Variants in IGHMBP2 observed in about 807,000 individuals in gnomAD.
IGHMBP2 encodes immunoglobulin mu DNA binding protein 2, also known as DNA-binding protein SMUBP-2.
IGHMBP2 carries 81 observed loss-of-function variants against 96.0 expected under a neutral mutation model. That is an observed-to-expected ratio of 0.84 (90% CI 0.71 to 1.01). The LOEUF is 1.01. Among genes scored for constraint, IGHMBP2 ranks in the 50% least tolerant of loss-of-function variants. The pLI is 0.00. For missense variants in IGHMBP2, 1,227 were observed against 1,306.3 expected, an observed-to-expected ratio of 0.94 and a Z score of 0.94; for synonymous variants, 557 against 548.9, an observed-to-expected ratio of 1.01 and a Z score of -0.21.
At chr11:68,930,397 T>C (rs1374092011) in intron 8 of IGHMBP2, 1 of 1,289,616 alleles carries the variant, frequency 7.8e-7, no homozygotes, top group East Asian at 5.5e-5. Flanking sequence ...TCGAGTAGAA[T>C]CTCATCACAG....
Position 68,914,495 on chromosome 11 carries a change from A to G in IGHMBP2, c.712-328A>G, listed in dbSNP as rs114301557. On this transcript the variant is annotated intron_variant, in intron 5 of 14. Coordinates refer to ENST00000255078, the MANE Select transcript of IGHMBP2 (RefSeq NM_002180.3). ...AGGCTGTGGGCTCTGACCTCATGGC[A>G]GTGTCTAGGGGTGAATGTTTACAGC... Among the ~76,000 whole-genome samples the G allele has an allele frequency of 5.0e-3, 756 of 152,194 alleles. 5 individuals are homozygous for G. Among genetic ancestry groups the G allele is most frequent in the African/African-American group, 0.018 (732 of 41,524 alleles).
At chr11:68,935,150 G>A (rs1019260055) in intron 11 of IGHMBP2, 149 bp from the exon 12 acceptor site, 20 of 996,766 alleles carry the variant, frequency 2.0e-5, no homozygotes, top group Middle Eastern at 5.9e-4. Context: ...GAGGGCGAAC[G>A]GGAAGCCTTT....
At chr11:68,929,966 C>CAGGCTGTCTTGGTGGA in intron 8 of IGHMBP2, 1 of 882,188 alleles carries the variant, frequency 1.1e-6, no homozygotes, top group South Asian at 3.4e-5. Context: ...AAGTGCTGCC[C>CAGGCTGTCTTGGTGGA]GCCCCCCCAG....
chr11:68,933,567 T>G, intron 9 of IGHMBP2, 86 bp downstream of exon 9: 1 of 1,465,456 alleles, frequency 6.8e-7, no homozygotes, highest in Non-Finnish European at 9.4e-7. Flanking sequence ...CAAGCTAAAG[T>G]GAAGCTTTCT....
intron 7 of IGHMBP2, among the ~76,000 whole-genome samples, chr11:68,928,821 A>G (rs556942838): frequency 6.6e-6 from 1 of 150,386 alleles, no homozygotes; most frequent in East Asian, 1.9e-4. Context: ...CTGTATGTCC[A>G]AGAAAGTCAC....
intron 7 of IGHMBP2, chr11:68,926,394 C>T (rs1302114160): frequency 2.6e-5 from 4 of 151,402 alleles, no homozygotes; most frequent in African/African-American, 9.7e-5. Flanking sequence ...CCTCAGCCTC[C>T]CGAGTAGCTG....
At position 68,929,247 on chromosome 11, in the gene IGHMBP2, C is replaced by T. The variant is rs140296831; in HGVS notation, c.1125C>T (p.Asp375=). 8.2e-5 allele frequency: 132 copies of T among 1,613,904 alleles called. No individual in the cohort carries two copies. The African/African-American group carries it at 8.3e-4, about 10-fold the overall frequency. Residue 375 remains aspartate (D), a synonymous_variant, in exon 8 of 15, where the codon GAC becomes GAT. Transcript: ENST00000255078. ...PESYFDVVVI[D]ECAQALEASC... ...GCTACTTCGACGTGGTGGTCATTGA[C>T]GAGTGTGCCCAGGCCCTCGAGGCGA...
At position 68,939,733 on chromosome 11, in the gene IGHMBP2, C is replaced by A; in HGVS notation, c.*2C>A. ...CGGAGGAAGGAGAGGGGGACGTGAC[C>A]GGCCGCATCCTTGCACGCCCCGCGG... On this transcript the variant is annotated 3_prime_UTR_variant, in exon 15 of 15. Coordinates refer to ENST00000255078, the MANE Select transcript of IGHMBP2 (RefSeq NM_002180.3). 6.2e-7 allele frequency: 1 copy of A among 1,605,862 alleles called. No individual in the cohort carries two copies. The highest frequency in any genetic ancestry group is 8.5e-7 in the Non-Finnish European group (1 of 1,177,134).
Position 68,915,028 on chromosome 11 carries a change from G to A in IGHMBP2, c.912+5G>A. On this transcript the variant is annotated splice_donor_5th_base_variant and intron_variant, in intron 6 of 14. Transcript: ENST00000255078. ...AAGGACATCGACCAGGTCTTTGTAG[G>A]TGTCATGGCCAGTGTCCATGTGGGG... 1 of 1,613,112 alleles carries A rather than the reference G, an allele frequency of 6.2e-7. No individual in the cohort carries two copies. The highest frequency in any genetic ancestry group is 8.5e-7 in the Non-Finnish European group (1 of 1,179,294).
intron 11 of IGHMBP2, 63 bp from the exon 12 acceptor site, chr11:68,935,236 G>A: frequency 6.2e-7 from 1 of 1,605,130 alleles, no homozygotes; most frequent in South Asian, 1.1e-5. Context: ...CTGAGCTGAA[G>A]GGCAGGGTCT....
intron 12 of IGHMBP2, 95 bp downstream of exon 12, chr11:68,935,517 T>G: frequency 1.4e-6 from 2 of 1,448,122 alleles, no homozygotes; most frequent in Non-Finnish European, 1.9e-6. Context: ...CCACACTGGT[T>G]TCTGGCAGTG....
chr11:68,929,702 A>C, intron 8 of IGHMBP2: 2 of 982,988 alleles, frequency 2.0e-6, no homozygotes, highest in Non-Finnish European at 2.4e-6. Flanking sequence ...GGGCTGGGCT[A>C]ACTGGCCTCT....
At chr11:68,907,578 T>G (rs1858251840) in intron 2 of IGHMBP2, among the ~76,000 whole-genome samples, 1 of 152,220 alleles carries the variant, frequency 6.6e-6, no homozygotes, top group Non-Finnish European at 1.5e-5. Context: ...TGACGGAGTT[T>G]TAAATTTCAT....
At position 68,933,751 on chromosome 11, in the gene IGHMBP2, G is replaced by A. The variant is rs774907847; in HGVS notation, c.1419-44G>A. On this transcript the variant is annotated intron_variant, in intron 9 of 14. Coordinates refer to ENST00000255078, the MANE Select transcript of IGHMBP2 (RefSeq NM_002180.3). ...TTCTGTTGGGTGGGGCCTCAGTGCT[G>A]CACTGTGGCCCCCTGATGTGCTCCC... The A allele has an allele frequency of 6.1e-6, 9 of 1,479,452 alleles. No homozygotes were observed. In the East Asian group the frequency reaches 1.8e-4, roughly 30 times the overall value. The allele number at this position is 1,479,452 out of a possible 1,614,324, so 91.6% of individuals were successfully genotyped here.
At chr11:68,921,814 G>A (rs560262967) in intron 7 of IGHMBP2, among the ~76,000 whole-genome samples, 3 of 152,238 alleles carry the variant, frequency 2.0e-5, no homozygotes, top group East Asian at 1.9e-4. Context: ...TGGGTCAGCC[G>A]GTGATGCAGT....
At position 68,936,378 on chromosome 11, in the gene IGHMBP2, A is replaced by C; in HGVS notation, c.1898A>C (p.His633Pro). The stretch of plus-strand genomic sequence containing the variant: ...ACCCTGGTGGAGTATTTCACACAGC[A>C]TGGGGAAGTACGCACGGCCTTTGAG... Reference protein sequence around the residue: ...LKTLVEYFTQHGEVRTAFEYL... With the variant: ...LKTLVEYFTQPGEVRTAFEYL... The change falls in exon 13 of 15, where the codon CAT becomes CCT. Residue 633 changes from histidine (H) to proline (P), a missense_variant. Physicochemically the swap from His to Pro is moderately conservative, Grantham distance 77 (BLOSUM62 -2). Transcript: ENST00000255078. 6.2e-7 allele frequency: 1 copy of C among 1,614,190 alleles called. No individual in the cohort carries two copies.
chr11:68,933,567 T>C (rs1859402477), intron 9 of IGHMBP2, 86 bp downstream of exon 9: 2 of 1,465,456 alleles, frequency 1.4e-6, no homozygotes, highest in Non-Finnish European at 1.9e-6. Context: ...CAAGCTAAAG[T>C]GAAGCTTTCT....
chr11:68,923,391 C>T (rs775436356), intron 7 of IGHMBP2, among the ~76,000 whole-genome samples: 9 of 151,816 alleles, frequency 5.9e-5, no homozygotes, highest in Non-Finnish European at 1.0e-4. Flanking sequence ...TTAGTAGAGG[C>T]GAGGTTTCAC....
At chr11:68,906,612 T>G (rs1858203363) in intron 2 of IGHMBP2, among the ~76,000 whole-genome samples, 1 of 151,776 alleles carries the variant, frequency 6.6e-6, no homozygotes, top group African/African-American at 2.4e-5. Flanking sequence ...AAAAAATATC[T>G]TATTAAAATA....
Sources: allele counts gnomAD v4.1 joint callset (sites outside exome capture counted in the v4.1 genomes callset), GRCh38; gene constraint gnomAD v4.1.1; transcripts MANE v1.5; gene names NCBI Gene and HGNC (gene_info 2026-07-23, HGNC 2026-07-21).